Variants in PCDHA10 observed in about 807,000 individuals in gnomAD.
PCDHA10 encodes the protein protocadherin alpha 10.
Under a neutral mutation model 61.2 loss-of-function variants are expected in PCDHA10, and 45 were observed. That is an observed-to-expected ratio of 0.74 (90% CI 0.58 to 0.94). The LOEUF (loss-of-function observed/expected upper bound fraction) is 0.94, where lower values mean the gene tolerates loss of function less well. PCDHA10 is among the 40% of genes least tolerant of loss of function. The pLI, the probability that PCDHA10 is intolerant of heterozygous loss-of-function variation, is 0.00. For missense variants in PCDHA10, 1,278 were observed against 1,236.2 expected (o/e 1.03, Z -0.51); for synonymous variants, 602 against 548.8 (o/e 1.10, Z -1.35).
At chr5:140,930,906 C>T (rs1235701028) in intron 1 of PCDHA10, among the ~76,000 whole-genome samples, 1 of 152,134 alleles carries the variant, frequency 6.6e-6, no homozygotes, top group African/African-American at 2.4e-5. Flanking sequence ...ACTTACTTTT[C>T]TACTTTAGAT....
At chr5:140,950,219 C>G (rs1173605199) in intron 1 of PCDHA10, among the ~76,000 whole-genome samples, 4 of 151,898 alleles carry the variant, frequency 2.6e-5, no homozygotes, top group African/African-American at 9.7e-5. Flanking sequence ...TAGTCATTTA[C>G]CATTTCTAGT....
At chr5:140,859,835 A>G (rs2046039280) in intron 1 of PCDHA10, 1 of 152,134 alleles carries the variant, frequency 6.6e-6, no homozygotes, top group South Asian at 2.1e-4. Context: ...TGTATTTGTT[A>G]TTTTATCAAA....
rs543899552 is a variant in PCDHA10 at position 140,891,287 on chromosome 5, A to T, written c.2388+32851A>T. ...AATTTTTCCGTAAGTTATTGGGGGT[A>T]CAGGTGGTATTTGATTACATGAGTA... is the stretch of plus-strand genomic sequence containing the variant. On this transcript the variant is annotated intron_variant, in intron 1 of 3. Transcript: ENST00000307360. 3.9e-5 allele frequency among the ~76,000 whole-genome samples: 6 copies of T among 152,176 alleles called. No individual in the cohort carries two copies. In the South Asian group the frequency reaches 6.2e-4, roughly 16 times the overall value.
intron 1 of PCDHA10, among the ~76,000 whole-genome samples, chr5:140,923,323 C>T (rs1554201408): frequency 6.6e-6 from 1 of 152,092 alleles, no homozygotes; most frequent in Non-Finnish European, 1.5e-5. Context: ...CCTAGAAGTT[C>T]AAGGACAGTT....
intron 1 of PCDHA10, among the ~76,000 whole-genome samples, chr5:140,879,706 A>T (rs2058090742): frequency 6.6e-6 from 1 of 152,246 alleles, no homozygotes; most frequent in African/African-American, 2.4e-5. Context: ...ATTATTTCTC[A>T]GTATTGGAGA....
intron 1 of PCDHA10, among the ~76,000 whole-genome samples, chr5:140,915,282 T>C (rs2077058994): frequency 2.0e-5 from 3 of 152,152 alleles, no homozygotes; most frequent in South Asian, 2.1e-4. Flanking sequence ...CATCATTTAC[T>C]CTTTCTACTT....
At chr5:140,947,192 C>G (rs958443362) in intron 1 of PCDHA10, among the ~76,000 whole-genome samples, 27 of 151,038 alleles carry the variant, frequency 1.8e-4, no homozygotes, top group African/African-American at 6.6e-4. Flanking sequence ...GTATACTACA[C>G]AGCCTTAAAA....
chr5:140,914,724 G>A (rs923867157), intron 1 of PCDHA10, among the ~76,000 whole-genome samples: 1 of 150,732 alleles, frequency 6.6e-6, no homozygotes, highest in Non-Finnish European at 1.5e-5. Flanking sequence ...TTTATTTTTT[G>A]TGTATCCATT....
chr5:140,875,917 G>A, intron 1 of PCDHA10: 1 of 1,614,146 alleles, frequency 6.2e-7, no homozygotes, highest in Non-Finnish European at 8.5e-7. Flanking sequence ...TGCGCCTCTG[G>A]ACTCTCATTT....
Position 141,009,983 on chromosome 5 carries a change from G to A in PCDHA10, c.*46G>A, listed in dbSNP as rs1554262629. The A allele has an allele frequency of 1.9e-6, 3 of 1,581,862 alleles. No homozygotes were observed. Among genetic ancestry groups the A allele is most frequent in the Non-Finnish European group, 2.6e-6 (3 of 1,167,526 alleles). On this transcript the variant is annotated 3_prime_UTR_variant, in exon 4 of 4. Coordinates refer to ENST00000307360, the MANE Select transcript of PCDHA10 (RefSeq NM_018901.4). ...CCACTTAGCCAGTTTTTGTAATAAT[G>A]GCAAATCTCTCCCATGTAGCAATTC...
chr5:140,955,658 AT>A (rs1187332497), intron 1 of PCDHA10, among the ~76,000 whole-genome samples: 1 of 152,156 alleles, frequency 6.6e-6, no homozygotes, highest in African/African-American at 2.4e-5. Flanking sequence ...ACACATATGA[AT>A]TTTAACATAG....
intron 1 of PCDHA10, among the ~76,000 whole-genome samples, chr5:140,921,468 C>T (rs886501347): frequency 3.3e-5 from 5 of 152,182 alleles, no homozygotes; most frequent in African/African-American, 1.2e-4. Flanking sequence ...GCAACCACTA[C>T]CAAACCACTC....
chr5:141,002,218 A>T (rs782352324), intron 3 of PCDHA10, among the ~76,000 whole-genome samples: 124 of 152,272 alleles, frequency 8.1e-4, no homozygotes, highest in Admixed American at 3.6e-3. Context: ...AATCAAAATG[A>T]TGGGTTTTCT....
At chr5:140,868,810 G>C (rs944762063) in intron 1 of PCDHA10, 6 of 369,934 alleles carry the variant, frequency 1.6e-5, no homozygotes, top group African/African-American at 1.2e-4. Flanking sequence ...AAGCACGTTG[G>C]AAATATTTGG....
chr5:141,009,746 T>C lies in PCDHA10; in HGVS notation c.2656T>C (p.Phe886Leu). ...CGGTCCCGGTGAGTTGCCCGACAAA[T>C]TCATTATCCCAGGATCTCCTGCAAT... ...QSGPGELPDK[F>L]IIPGSPAIIS... The change falls in exon 4 of 4, where the codon TTC becomes CTC. Residue 886 changes from phenylalanine to leucine, a missense_variant. Transcript: ENST00000307360. 6.2e-7 allele frequency: 1 copy of C among 1,614,062 alleles called. No homozygotes were observed. Among genetic ancestry groups the C allele is most frequent in the Non-Finnish European group, 8.5e-7 (1 of 1,180,018 alleles).
intron 1 of PCDHA10, among the ~76,000 whole-genome samples, chr5:140,906,069 T>C (rs2072342341): frequency 6.6e-6 from 1 of 152,204 alleles, no homozygotes; most frequent in African/African-American, 2.4e-5. Flanking sequence ...GCTGATTAGA[T>C]CGCACCCACC....
chr5:140,923,142 T>C (rs553287064), intron 1 of PCDHA10, among the ~76,000 whole-genome samples: 9 of 152,006 alleles, frequency 5.9e-5, no homozygotes, highest in Non-Finnish European at 1.2e-4. Context: ...AGGTGGAATA[T>C]AAAAAAAATT....
rs543069895 is a variant in PCDHA10, at chr5:140,958,338, G to A, written c.2389-20611G>A. 2.0e-4 allele frequency among the ~76,000 whole-genome samples: 30 copies of A among 152,108 alleles called. No homozygotes were observed. In the South Asian group the frequency reaches 6.0e-3, roughly 31 times the overall value. ...GAGCTCAAAAAATAAATAAATCACA[G>A]GAAGTTCACAGTCTGACTTTATCAG... On this transcript the variant is annotated intron_variant, in intron 1 of 3. Transcript: ENST00000307360.
rs782255025 is a variant in PCDHA10 at position 140,857,488 on chromosome 5, C to A, written c.1440C>A (p.Asp480Glu). The A allele has an allele frequency of 6.3e-7, 1 of 1,598,442 alleles. No individual in the cohort carries two copies. Among genetic ancestry groups the A allele is most frequent in the South Asian group, 1.1e-5 (1 of 90,540 alleles). The change falls in exon 1 of 4, where the codon GAC (aspartate) becomes GAA (glutamate). Residue 480 changes from aspartate (D) to glutamate (E), a missense_variant. Transcript: ENST00000307360. ...GCHIFTVSAW[D>E]ADAQENALVS... ...ACATCTTCACGGTGTCTGCGTGGGA[C>A]GCGGACGCGCAGGAGAACGCCCTGG...
Sources: gnomAD v4.1 joint callset for allele counts (sites outside exome capture counted in the v4.1 genomes callset) on GRCh38, gnomAD v4.1.1 for gene constraint, MANE v1.5 for transcripts, NCBI Gene and HGNC (gene_info 2026-07-23, HGNC 2026-07-21) for gene names.